ADGRB3: variants seen among roughly 807,000 people sequenced by gnomAD.
ADGRB3 encodes the protein adhesion G protein-coupled receptor B3.
ADGRB3 carries 37 observed loss-of-function variants against 193.4 expected under a neutral mutation model. That is an observed-to-expected ratio of 0.19 (90% confidence interval 0.15 to 0.25). The LOEUF is 0.25. Ranked by LOEUF, ADGRB3 falls within the 10% of genes least tolerant of loss-of-function variation. The pLI is 1.00. For missense variants in ADGRB3, 1,637 were observed against 1,852.9 expected, an observed-to-expected ratio of 0.88 and a Z score of 2.14; for synonymous variants, 690 against 644.2, an observed-to-expected ratio of 1.07 and a Z score of -1.08.
In ADGRB3 at chr6:68,761,581, G is replaced by A. The variant is rs149756695; in HGVS notation, c.757+122149G>A. On this transcript the variant is annotated intron_variant, in intron 3 of 31. Transcript: ENST00000370598. ...AGTGCACAGAGTATTATGCTGCTACGTTCCAAAATATGCAGGCGCCAGACA... is the reference window on the plus strand; with the variant it reads ...AGTGCACAGAGTATTATGCTGCTACATTCCAAAATATGCAGGCGCCAGACA... Among the ~76,000 whole-genome samples, 3 of 151,302 alleles carry A rather than the reference G, an allele frequency of 2.0e-5. 1 individual carries two copies. The highest frequency in any genetic ancestry group is 4.4e-5 in the Non-Finnish European group (3 of 67,902).
intron 20 of ADGRB3, among the ~76,000 whole-genome samples, chr6:69,317,273 G>A (rs1424314884): frequency 6.6e-6 from 1 of 151,350 alleles, no homozygotes; most frequent in East Asian, 1.9e-4. Flanking sequence ...TTCCCTTTGG[G>A]GGAGAATATT....
At chr6:68,810,127 A>G (rs965392483) in intron 3 of ADGRB3, among the ~76,000 whole-genome samples, 1 of 152,094 alleles carries the variant, frequency 6.6e-6, no homozygotes, top group African/African-American at 2.4e-5. Context: ...TGCCTTTGTT[A>G]TTATATATGA....
chr6:69,213,341 A>G (rs1015545283), intron 17 of ADGRB3, among the ~76,000 whole-genome samples: 13 of 152,206 alleles, frequency 8.5e-5, no homozygotes, highest in Admixed American at 7.9e-4. Context: ...CTTTGTTCCA[A>G]AAATCACAAA....
intron 11 of ADGRB3, among the ~76,000 whole-genome samples, chr6:68,998,104 T>C (rs1185498572): frequency 2.0e-5 from 3 of 152,226 alleles, no homozygotes; most frequent in Non-Finnish European, 4.4e-5. Context: ...CTTTCATTGC[T>C]TTAACATGTA....
chr6:69,386,944 T>C (rs1230125838), intron 31 of ADGRB3, among the ~76,000 whole-genome samples: 1 of 152,116 alleles, frequency 6.6e-6, no homozygotes, highest in Non-Finnish European at 1.5e-5. Flanking sequence ...CTGTAATAAG[T>C]ATAGCTACTA....
chr6:69,332,477 G>T, intron 23 of ADGRB3: 1 of 985,356 alleles, frequency 1.0e-6, no homozygotes, highest in Admixed American at 6.2e-5. Flanking sequence ...CCTCTGTGTT[G>T]GGAATAATGA....
chr6:68,711,871 A>G (rs867295167), intron 3 of ADGRB3, among the ~76,000 whole-genome samples: 29 of 152,234 alleles, frequency 1.9e-4, no homozygotes, highest in Middle Eastern at 3.4e-3. Flanking sequence ...ATGAAAATTT[A>G]TCAACATACC....
rs149124630 is a variant in ADGRB3 at position 69,360,412 on chromosome 6, A to T, written c.3596-457A>T. Among the ~76,000 whole-genome samples, 80 of 152,048 alleles carry T rather than the reference A, an allele frequency of 5.3e-4. No individual in the cohort carries two copies. The East Asian group carries it at 0.01, about 20-fold the overall frequency. ...GAAGTTCCCATTAATTATCCCTTCA[A>T]GAAGCATTTTAATGAGCGTAACTTC... is the stretch of plus-strand genomic sequence containing the variant. On this transcript the variant is annotated intron_variant, in intron 28 of 31. Transcript: ENST00000370598.
intron 17 of ADGRB3, among the ~76,000 whole-genome samples, chr6:69,135,566 C>T (rs902154993): frequency 6.6e-6 from 1 of 151,916 alleles, no homozygotes; most frequent in Non-Finnish European, 1.5e-5. Context: ...GGCATTTATA[C>T]TTTTTATTTC....
chr6:68,879,352 G>A (rs1445667828), intron 3 of ADGRB3, among the ~76,000 whole-genome samples: 1 of 151,434 alleles, frequency 6.6e-6, no homozygotes, highest in Non-Finnish European at 1.5e-5. Context: ...CAGTAGCTGG[G>A]ACTGCAGGTG....
chr6:69,244,759 A>G (rs1168151350), intron 20 of ADGRB3, among the ~76,000 whole-genome samples: 1 of 152,028 alleles, frequency 6.6e-6, no homozygotes, highest in Non-Finnish European at 1.5e-5. Context: ...GACACCCTGC[A>G]TCTCTAGACC....
intron 3 of ADGRB3, among the ~76,000 whole-genome samples, chr6:68,790,682 T>G (rs1396549686): frequency 1.3e-5 from 2 of 152,200 alleles, no homozygotes; most frequent in Non-Finnish European, 2.9e-5. Context: ...AAACAGGGTC[T>G]GGAGTGGACC....
At chr6:69,381,575 T>G (rs978721911) in intron 30 of ADGRB3, among the ~76,000 whole-genome samples, 2 of 151,984 alleles carry the variant, frequency 1.3e-5, no homozygotes, top group African/African-American at 2.4e-5. Flanking sequence ...AGAACAGACT[T>G]TTTTAATGTG....
At chr6:68,992,421 C>T (rs546398139) in intron 10 of ADGRB3, among the ~76,000 whole-genome samples, 1 of 152,190 alleles carries the variant, frequency 6.6e-6, no homozygotes, top group East Asian at 1.9e-4. Flanking sequence ...TCTTATTGGC[C>T]AGTGCCGTGT....
chr6:68,990,667 T>C (rs1769213888), intron 10 of ADGRB3, among the ~76,000 whole-genome samples: 1 of 152,186 alleles, frequency 6.6e-6, no homozygotes, highest in South Asian at 2.1e-4. Context: ...ACAGAAAGCA[T>C]GTCTAAATGT....
intron 3 of ADGRB3, among the ~76,000 whole-genome samples, chr6:68,726,071 A>G (rs1162897518): frequency 6.6e-6 from 1 of 151,592 alleles, no homozygotes; most frequent in Admixed American, 6.6e-5. Flanking sequence ...TTCTAGATAG[A>G]CACCAGTTCA....
chr6:68,947,478 T>A (rs1044995965), intron 6 of ADGRB3, among the ~76,000 whole-genome samples: 1 of 152,100 alleles, frequency 6.6e-6, no homozygotes, highest in Non-Finnish European at 1.5e-5. Context: ...ACAAGAAAAA[T>A]TACTATTAAG....
At chr6:68,851,412 T>C (rs1768400136) in intron 3 of ADGRB3, among the ~76,000 whole-genome samples, 1 of 151,996 alleles carries the variant, frequency 6.6e-6, no homozygotes, top group Admixed American at 6.6e-5. Flanking sequence ...ATTCTAATAC[T>C]ATGAAGATAT....
At chr6:68,892,819 T>C (rs1766117010) in intron 3 of ADGRB3, among the ~76,000 whole-genome samples, 1 of 152,158 alleles carries the variant, frequency 6.6e-6, no homozygotes, top group African/African-American at 2.4e-5. Flanking sequence ...AAAAGTTTAT[T>C]AAGACAGAAG....
Sources: allele counts gnomAD v4.1 joint callset (sites outside exome capture counted in the v4.1 genomes callset), GRCh38; gene constraint gnomAD v4.1.1; transcripts MANE v1.5; gene names NCBI Gene and HGNC (gene_info 2026-07-23, HGNC 2026-07-21).